The following PTPRA variants were observed in gnomAD, a reference collection of about 807,000 sequenced individuals.
The protein encoded by PTPRA is receptor-type tyrosine-protein phosphatase alpha.
Under a neutral mutation model 104.8 loss-of-function variants are expected in PTPRA, and 25 were observed. The observed-to-expected ratio is 0.24, with a 90% confidence interval of 0.17 to 0.33. The LOEUF (loss-of-function observed/expected upper bound fraction) is 0.33, where lower values mean the gene tolerates loss of function less well. Among genes scored for constraint, PTPRA ranks in the 10% least tolerant of loss-of-function variants. The probability of loss-of-function intolerance (pLI) is 1.00; values close to 1 mark genes in which losing one functional copy is unlikely to be tolerated. For missense variants in PTPRA, 765 were observed against 1,015.3 expected, an observed-to-expected ratio of 0.75 and a Z score of 3.35; for synonymous variants, 323 against 368.9, an observed-to-expected ratio of 0.88 and a Z score of 1.43.
chr20:2,902,439 G>T (rs1350165710), intron 1 of PTPRA, among the ~76,000 whole-genome samples: 1 of 152,076 alleles, frequency 6.6e-6, no homozygotes, highest in Non-Finnish European at 1.5e-5. Flanking sequence ...TCTCTCTTAT[G>T]CTGGTCCCAG....
chr20:3,021,514 C>G, intron 14 of PTPRA, 86 bp downstream of exon 14: 1 of 1,549,054 alleles, frequency 6.5e-7, no homozygotes, highest in Non-Finnish European at 8.8e-7. Context: ...CCGCTGTGGT[C>G]AGGAGTTGCT....
At chr20:2,890,079 G>A (rs963171181) in intron 1 of PTPRA, among the ~76,000 whole-genome samples, 44 of 90,658 alleles carry the variant, frequency 4.9e-4, no homozygotes, top group African/African-American at 1.9e-3. Flanking sequence ...TTTTTTTTTT[G>A]TAGAGATGAG....
At chr20:3,001,647 G>C (rs770024047) in intron 9 of PTPRA, among the ~76,000 whole-genome samples, 1 of 152,142 alleles carries the variant, frequency 6.6e-6, no homozygotes, top group Non-Finnish European at 1.5e-5. Context: ...GAGAAATTCT[G>C]ATCTAAAATA....
chr20:2,940,995 C>T (rs561709622), intron 2 of PTPRA, among the ~76,000 whole-genome samples: 24 of 151,648 alleles, frequency 1.6e-4, no homozygotes, highest in South Asian at 4.2e-4. Flanking sequence ...TCTCACAAAA[C>T]GTGTTCTTTT....
At chr20:2,889,440 A>G (rs1045470026) in intron 1 of PTPRA, among the ~76,000 whole-genome samples, 3 of 152,222 alleles carry the variant, frequency 2.0e-5, no homozygotes, top group Admixed American at 6.5e-5. Flanking sequence ...GCTCTTGGGC[A>G]ATCTGTGATA....
intron 1 of PTPRA, among the ~76,000 whole-genome samples, chr20:2,909,557 G>A (rs190180873): frequency 5.9e-5 from 9 of 151,722 alleles, no homozygotes; most frequent in Non-Finnish European, 1.0e-4. Context: ...ACTCCAGCCT[G>A]GATGAGAGTG....
chr20:2,934,107 T>A (rs1305684882), intron 2 of PTPRA, among the ~76,000 whole-genome samples: 1 of 152,144 alleles, frequency 6.6e-6, no homozygotes, highest in Non-Finnish European at 1.5e-5. Context: ...TACTAAATAA[T>A]CTATGAAAAT....
chr20:2,988,495 G>A, intron 9 of PTPRA, 21 bp downstream of exon 9: 1 of 1,609,242 alleles, frequency 6.2e-7, no homozygotes, highest in Non-Finnish European at 8.5e-7. Context: ...TGTTGAGGCT[G>A]GTGTATCAGC....
chr20:2,901,674 G>C (rs1045964399), intron 1 of PTPRA, among the ~76,000 whole-genome samples: 2 of 151,958 alleles, frequency 1.3e-5, no homozygotes, highest in African/African-American at 4.8e-5. Flanking sequence ...TATTGACTCT[G>C]CTCCCTAATT....
intron 1 of PTPRA, among the ~76,000 whole-genome samples, chr20:2,905,690 C>CTTTTTTTTTTT (rs11479039): frequency 2.3e-4 from 16 of 70,636 alleles, no homozygotes; most frequent in East Asian, 8.4e-4. Context: ...TCATAAAATT[C>CTTTTTTTTTTT]TTTTTTTTTT....
chr20:3,038,310 C>T lies in PTPRA; in HGVS notation c.*177C>T. 1.8e-6 allele frequency: 1 copy of T among 563,508 alleles called. No homozygotes were observed. The highest frequency in any genetic ancestry group is 3.1e-6 in the Non-Finnish European group (1 of 321,296). The allele number at this position is 563,508 out of a possible 1,614,324, so 34.9% of individuals were successfully genotyped here. ...TGTAAATGTGTTAGCACTGATAGTCCTTTTTCCAATGTTTTATTGGGGAAT... is the reference window on the plus strand; with the variant it reads ...TGTAAATGTGTTAGCACTGATAGTCTTTTTTCCAATGTTTTATTGGGGAAT... On this transcript the variant is annotated 3_prime_UTR_variant, in exon 24 of 24. Transcript: ENST00000399903.
intron 9 of PTPRA, among the ~76,000 whole-genome samples, chr20:2,998,556 G>GT (rs1352365267): frequency 1.3e-5 from 2 of 152,174 alleles, no homozygotes; most frequent in Non-Finnish European, 2.9e-5. Flanking sequence ...TGACATCTGG[G>GT]TTTTACATTG....
chr20:2,961,164 G>T (rs2061741870), intron 3 of PTPRA, among the ~76,000 whole-genome samples: 1 of 152,138 alleles, frequency 6.6e-6, no homozygotes, highest in Non-Finnish European at 1.5e-5. Flanking sequence ...ACAATTGCTG[G>T]ATCATATGGT....
Position 2,984,991 on chromosome 20 carries a change from G to C in PTPRA, c.443-1774G>C, listed in dbSNP as rs140774493. ...AGCACTTGTCCCTGTCTAAAATTAA[G>C]TATTGACTTGTTTATAAACAGTGTC... On this transcript the variant is annotated intron_variant, in intron 6 of 23. Coordinates refer to ENST00000399903, the MANE Select transcript of PTPRA (RefSeq NM_001385305.1). 3.1e-3 allele frequency among the ~76,000 whole-genome samples: 479 copies of C among 152,270 alleles called. 2 individuals are homozygous for C. Among genetic ancestry groups the C allele is most frequent in the African/African-American group, 0.011 (455 of 41,554 alleles).
In PTPRA at chr20:2,929,427, G is replaced by T. The variant is rs1292845367; in HGVS notation, c.-50+6142G>T. 2.0e-5 allele frequency among the ~76,000 whole-genome samples: 3 copies of T among 152,162 alleles called. No individual in the cohort carries two copies. In the East Asian group the frequency reaches 5.8e-4, roughly 29 times the overall value. On this transcript the variant is annotated intron_variant, in intron 2 of 23. Coordinates refer to ENST00000399903, the MANE Select transcript of PTPRA (RefSeq NM_001385305.1). ...ACACATTCCTTTTTATTTGCTTGATGTGTGTCCCATCCCTTCTTTTGAACA... is the reference window on the plus strand; with the variant it reads ...ACACATTCCTTTTTATTTGCTTGATTTGTGTCCCATCCCTTCTTTTGAACA...
intron 2 of PTPRA, among the ~76,000 whole-genome samples, chr20:2,933,696 A>G (rs1402544004): frequency 3.3e-5 from 5 of 152,086 alleles, no homozygotes; most frequent in Non-Finnish European, 7.4e-5. Flanking sequence ...TCCTGACCTC[A>G]AGTGATTTGC....
chr20:2,887,407 T>A (rs2090448227), intron 1 of PTPRA, among the ~76,000 whole-genome samples: 1 of 152,118 alleles, frequency 6.6e-6, no homozygotes, highest in South Asian at 2.1e-4. Context: ...TATTTGATGT[T>A]TATTAGAGCA....
At chr20:2,953,608 G>GTT (rs1178422727) in intron 3 of PTPRA, among the ~76,000 whole-genome samples, 1 of 149,092 alleles carries the variant, frequency 6.7e-6, no homozygotes, top group Non-Finnish European at 1.5e-5. Flanking sequence ...GTTTTTTGGT[G>GTT]TTTTGTTTTT....
rs114232321 is a variant in PTPRA, at chr20:2,904,661, C to T, written c.-128-18546C>T. On this transcript the variant is annotated intron_variant, in intron 1 of 23. Transcript: ENST00000399903. ...CTAGCCTGGCTAGAGAGCAAGACTC[C>T]GTCTCAAAAAAAAAAAAAAAAAAAG... Among the ~76,000 whole-genome samples, 138 of 122,776 alleles carry T rather than the reference C, an allele frequency of 1.1e-3. 1 individual carries two copies. Among genetic ancestry groups the T allele is most frequent in the African/African-American group, 4.1e-3 (134 of 32,602 alleles). The allele number at this position is 122,776 out of a possible 152,430, so 80.5% of individuals were successfully genotyped here. A position where few individuals can be genotyped will look rare whatever the true frequency, so the allele number is the denominator to read the frequency against.
Sources: gnomAD v4.1 joint callset for allele counts (sites outside exome capture counted in the v4.1 genomes callset) on GRCh38, gnomAD v4.1.1 for gene constraint, MANE v1.5 for transcripts, NCBI Gene and HGNC (gene_info 2026-07-23, HGNC 2026-07-21) for gene names.